ZNF552: variants seen among roughly 807,000 people sequenced by gnomAD.
The protein encoded by ZNF552 is zinc finger protein 552.
A neutral mutation model predicts 7.2 loss-of-function variants in ZNF552; 2 were observed. The observed-to-expected ratio is 0.28, with a 90% CI of 0.11 to 0.88. The LOEUF (loss-of-function observed/expected upper bound fraction) is 0.88, where lower values mean the gene tolerates loss of function less well. ZNF552 is among the 40% of genes least tolerant of loss of function. ZNF552 has a pLI of 0.60. For missense variants in ZNF552, 421 were observed against 493.4 expected (o/e 0.85, Z 1.39); for synonymous variants, 173 against 176.5 (o/e 0.98, Z 0.16).
chr19:57,811,148 T>A (rs1987847874), intron 2 of ZNF552, among the ~76,000 whole-genome samples: 1 of 149,444 alleles, frequency 6.7e-6, no homozygotes, highest in Non-Finnish European at 1.5e-5. Flanking sequence ...GCCAGTCCCC[T>A]GGGCCCACTT....
chr19:57,811,738 AC>A (rs1276164199), intron 2 of ZNF552, among the ~76,000 whole-genome samples: 2,775 of 147,778 alleles, frequency 0.019, 114 homozygotes, highest in African/African-American at 0.063. Context: ...AAAAAAAAAA[AC>A]AATGGAGAAG....
At chr19:57,812,978 C>G in intron 2 of ZNF552, 1 of 408,230 alleles carries the variant, frequency 2.4e-6, no homozygotes, top group South Asian at 4.8e-5. Flanking sequence ...GAAGAAATAA[C>G]AGGTAGAGGA....
Position 57,814,692 on chromosome 19 carries a change from C to T in ZNF552, c.33+19G>A, listed in dbSNP as rs1987926905. The T allele has an allele frequency of 6.2e-7, 1 of 1,614,052 alleles. No individual in the cohort carries two copies. Among genetic ancestry groups the T allele is most frequent in the South Asian group, 1.1e-5 (1 of 91,086 alleles). Reference sequence around the variant, plus strand: ...GTGACTAGGAGGTGACCGGAGAGCACGGAAGGCGCCACAATTACCTGAACG... The same window carrying T: ...GTGACTAGGAGGTGACCGGAGAGCATGGAAGGCGCCACAATTACCTGAACG... On this transcript the variant is annotated intron_variant, in intron 1 of 2. Transcript: ENST00000391701.
Position 57,814,907 on chromosome 19 carries a change from C to A in ZNF552, c.-164G>T. On this transcript the variant is annotated 5_prime_UTR_variant, in exon 1 of 3. Coordinates refer to ENST00000391701, the MANE Select transcript of ZNF552 (RefSeq NM_024762.3). ...ACTCCCTAACGCCAATGGAAATGGT[C>A]GCTACTAAAGGGCGCCGGGAGTCCC... 4.0e-6 allele frequency: 3 copies of A among 748,556 alleles called. No individual in the cohort carries two copies. The highest frequency in any genetic ancestry group is 3.8e-5 in the South Asian group (2 of 52,478). The allele number at this position is 748,556 out of a possible 1,614,324, so 46.4% of individuals were successfully genotyped here.
intron 2 of ZNF552, among the ~76,000 whole-genome samples, chr19:57,811,924 G>A (rs999836121): frequency 1.3e-5 from 2 of 150,544 alleles, no homozygotes; most frequent in African/African-American, 4.9e-5. Context: ...AGCTACTTGG[G>A]AGGCTGAGGC....
At position 57,808,887 on chromosome 19, in the gene ZNF552, T is replaced by A; in HGVS notation, c.377A>T (p.Asn126Ile). 6.2e-7 allele frequency: 1 copy of A among 1,613,370 alleles called. No homozygotes were observed. The highest frequency in any genetic ancestry group is 8.5e-7 in the Non-Finnish European group (1 of 1,179,840). ...QKLHRCEAWG[N>I]KLYDSGNFHQ... ...AAAGTTTCCACTGTCATACAATTTA[T>A]TCCCCCAGGCCTCACACCTGTGCAG... The change falls in exon 3 of 3, where the codon AAT becomes ATT. Residue 126 changes from asparagine (N) to isoleucine (I), a missense_variant. Coordinates refer to ENST00000391701, the MANE Select transcript of ZNF552 (RefSeq NM_024762.3).
In ZNF552 at chr19:57,808,747, C is replaced by G; in HGVS notation, c.517G>C (p.Glu173Gln). ...HVSGESSVFS[E>Q]SGKDFLLRSG... ...CTGAGCAAAAAGTCTTTCCCACTCT[C>G]ACTGAAGACAGATGACTCCCCTGAC... is the stretch of plus-strand genomic sequence containing the variant. The change falls in exon 3 of 3, where the codon GAG becomes CAG. Residue 173 changes from glutamate to glutamine, a missense_variant. Glu to Gln is a conservative substitution (Grantham distance 29). This residue lies in a region of ZNF552 where 299 missense variants were observed against 293.7 expected (regional missense o/e 1.02). Coordinates refer to ENST00000391701, the MANE Select transcript of ZNF552 (RefSeq NM_024762.3). The G allele has an allele frequency of 6.2e-7, 1 of 1,614,222 alleles. No individual in the cohort carries two copies. The highest frequency in any genetic ancestry group is 8.5e-7 in the Non-Finnish European group (1 of 1,180,052).
At chr19:57,809,147 G>T in intron 2 of ZNF552, 44 bp from the exon 3 acceptor site, 3 of 1,565,934 alleles carry the variant, frequency 1.9e-6, no homozygotes, top group East Asian at 2.3e-5. Flanking sequence ...TAACTCTGGT[G>T]GGAAGGCACA....
chr19:57,808,077 C>T lies in ZNF552; in HGVS notation c.1187G>A (p.Arg396His), dbSNP rs777918125. 2.0e-5 allele frequency: 32 copies of T among 1,613,388 alleles called. No individual in the cohort carries two copies. Among genetic ancestry groups the T allele is most frequent in the East Asian group, 4.5e-5 (2 of 44,886 alleles). ...TCTTTTGTGAACTCTCTGATGATGA[C>T]GAAGTGAAGAGATTTGCCTAAATTT... ...EKKFRQISSL[R>H]HHQRVHKRKG... The change falls in exon 3 of 3, where the codon CGT (arginine) becomes CAT (histidine). Residue 396 changes from arginine (R) to histidine (H), a missense_variant. Physicochemically the swap from Arg to His is conservative, Grantham distance 29. Around this residue, in one of 2 missense-constraint regions of ZNF552, gnomAD observed 299 missense variants for 293.7 expected, o/e 1.02. Coordinates refer to ENST00000391701, the MANE Select transcript of ZNF552 (RefSeq NM_024762.3).
rs1600090495 is a variant in ZNF552, at chr19:57,808,967, G to C, written c.297C>G (p.Ile99Met). The change falls in exon 3 of 3, where the codon ATC (isoleucine) becomes ATG (methionine). Residue 99 changes from isoleucine (I) to methionine (M), a missense_variant. Transcript: ENST00000391701. Reference protein sequence around the residue: ...KAHPCEMCGPILGDILHVADH... With the variant: ...KAHPCEMCGPMLGDILHVADH... ...CTGCCACATGCAAAATGTCTCCCAA[G>C]ATCGGGCCACACATCTCACAGGGGT... The C allele has an allele frequency of 6.3e-7, 1 of 1,593,156 alleles. No individual in the cohort carries two copies. The highest frequency in any genetic ancestry group is 2.2e-5 in the East Asian group (1 of 44,534).
chr19:57,809,300 C>G (rs1029561778), intron 2 of ZNF552, 197 bp from the exon 3 acceptor site: 60 of 1,308,150 alleles, frequency 4.6e-5, no homozygotes, highest in Middle Eastern at 1.8e-4. Context: ...GGCCTCATAA[C>G]ATAAAGGACA....
At chr19:57,810,124 A>G (rs1251527087) in intron 2 of ZNF552, among the ~76,000 whole-genome samples, 1 of 150,528 alleles carries the variant, frequency 6.6e-6, no homozygotes, top group Admixed American at 6.6e-5. Flanking sequence ...AAGAAAAGAG[A>G]AGAGGAGAGG....
Position 57,814,895 on chromosome 19 carries a change from A to C in ZNF552, c.-152T>G. ...AGCGCTCCAAGGACTCCCTAACGCCAATGGAAATGGTCGCTACTAAAGGGC... is the reference window on the plus strand; with the variant it reads ...AGCGCTCCAAGGACTCCCTAACGCCCATGGAAATGGTCGCTACTAAAGGGC... On this transcript the variant is annotated 5_prime_UTR_variant, in exon 1 of 3. It adds an upstream start codon to the 5' untranslated region. Coordinates refer to ENST00000391701, the MANE Select transcript of ZNF552 (RefSeq NM_024762.3). The C allele has an allele frequency of 5.1e-6, 4 of 791,106 alleles. No individual in the cohort carries two copies. Among genetic ancestry groups the C allele is most frequent in the Non-Finnish European group, 2.0e-6 (1 of 509,604 alleles). 49.0% of individuals were successfully genotyped at this position (791,106 alleles called of 1,614,324 possible).
At chr19:57,814,060 C>T (rs1987911445) in intron 1 of ZNF552, among the ~76,000 whole-genome samples, 1 of 152,056 alleles carries the variant, frequency 6.6e-6, no homozygotes, top group African/African-American at 2.4e-5. Context: ...TGTATGCGTT[C>T]CTTAAATGCT....
intron 1 of ZNF552, among the ~76,000 whole-genome samples, chr19:57,814,231 C>T (rs894855715): frequency 2.0e-5 from 3 of 152,250 alleles, no homozygotes; most frequent in Admixed American, 2.0e-4. Flanking sequence ...AGTGTCATCT[C>T]TACCACCTAT....
intron 1 of ZNF552, chr19:57,814,292 ACT>A: frequency 3.4e-6 from 2 of 596,920 alleles, no homozygotes; most frequent in Admixed American, 3.0e-5. Flanking sequence ...TCCCCTCTCT[ACT>A]CTGTTATTTA....
At chr19:57,813,139 T>G in intron 2 of ZNF552, 155 bp downstream of exon 2, 1 of 1,278,698 alleles carries the variant, frequency 7.8e-7, no homozygotes, top group Admixed American at 2.9e-5. Context: ...GCTCCAAGAA[T>G]GGAGAGGGCA....
chr19:57,807,896 T>C lies in ZNF552; in HGVS notation c.*144A>G. ...ACAAAACTGCCCAAATTTATTTTACTTGTAAGGACTCTTCTCTAGTGTGAA... is the reference window on the plus strand; with the variant it reads ...ACAAAACTGCCCAAATTTATTTTACCTGTAAGGACTCTTCTCTAGTGTGAA... On this transcript the variant is annotated 3_prime_UTR_variant, in exon 3 of 3. Transcript: ENST00000391701. 5 of 1,146,360 alleles carry C rather than the reference T, an allele frequency of 4.4e-6. No homozygotes were observed. Among genetic ancestry groups the C allele is most frequent in the Non-Finnish European group, 6.0e-6 (5 of 829,528 alleles). 71.0% of individuals were successfully genotyped at this position (1,146,360 alleles called of 1,614,324 possible).
intron 2 of ZNF552, among the ~76,000 whole-genome samples, chr19:57,812,621 C>T (rs1400558486): frequency 5.3e-5 from 8 of 152,108 alleles, no homozygotes; most frequent in Non-Finnish European, 5.9e-5. Context: ...CAGGCTGGAG[C>T]GCAGTGGCAC....
Sources: gnomAD v4.1 joint callset for allele counts (sites outside exome capture counted in the v4.1 genomes callset) on GRCh38, gnomAD v4.1.1 for gene constraint, gnomAD v4.1.1 regional missense constraint, MANE v1.5 for transcripts, NCBI Gene and HGNC (gene_info 2026-07-23, HGNC 2026-07-21) for gene names.